ARV1: variants seen among roughly 807,000 people sequenced by gnomAD.
The protein encoded by ARV1 is ARV1 fatty acid homeostasis modulator, also known as protein ARV1.
Under a neutral mutation model 31.1 loss-of-function variants are expected in ARV1, and 26 were observed. The observed-to-expected ratio is 0.84, with a 90% CI of 0.61 to 1.16. The LOEUF is 1.16. ARV1 is among the 50% of genes most tolerant of loss of function. The pLI is 0.00. For missense variants in ARV1, 281 were observed against 324.9 expected, an observed-to-expected ratio of 0.86 and a Z score of 1.04; for synonymous variants, 117 against 123.2, an observed-to-expected ratio of 0.95 and a Z score of 0.34.
intron 4 of ARV1, 139 bp downstream of exon 4, chr1:230,996,123 A>G (rs1171974014): frequency 7.7e-6 from 5 of 651,534 alleles, no homozygotes; most frequent in Non-Finnish European, 1.1e-5. Flanking sequence ...TAACACTTCT[A>G]TAGCACCTTA....
intron 3 of ARV1, among the ~76,000 whole-genome samples, chr1:230,995,148 G>A (rs986013905): frequency 2.6e-5 from 4 of 152,236 alleles, no homozygotes; most frequent in African/African-American, 9.6e-5. Context: ...AGATTGTGCT[G>A]TGTTCTGACC....
intron 1 of ARV1, chr1:230,979,578 A>AT (rs1678770690): frequency 2.8e-6 from 1 of 363,370 alleles, no homozygotes; most frequent in Non-Finnish European, 5.0e-6. Flanking sequence ...ATTTTGGTTC[A>AT]TGCCAAAGCT....
chr1:230,995,398 C>CT (rs1306433701), intron 3 of ARV1, among the ~76,000 whole-genome samples: 6 of 152,124 alleles, frequency 3.9e-5, no homozygotes, highest in African/African-American at 1.4e-4. Context: ...ACTGAAAAGC[C>CT]TGCATTCTCC....
intron 1 of ARV1, among the ~76,000 whole-genome samples, chr1:230,987,531 A>G (rs895439001): frequency 6.6e-6 from 1 of 152,190 alleles, no homozygotes; most frequent in African/African-American, 2.4e-5. Flanking sequence ...ATGTGTCTAG[A>G]GAATCTGAAC....
intron 1 of ARV1, 138 bp downstream of exon 1, chr1:230,979,417 G>A: frequency 6.1e-6 from 6 of 986,142 alleles, no homozygotes; most frequent in Non-Finnish European, 7.4e-6. Context: ...ATGAATATCT[G>A]TACTGATAGA....
At chr1:230,984,369 T>TGTGTGC (rs1553303979) in intron 1 of ARV1, among the ~76,000 whole-genome samples, 2 of 88,460 alleles carry the variant, frequency 2.3e-5, no homozygotes, top group African/African-American at 8.2e-5. Flanking sequence ...TGTGCGTGTG[T>TGTGTGC]GTGTGTGTGT....
At chr1:230,985,692 AG>A (rs1485791897) in intron 1 of ARV1, among the ~76,000 whole-genome samples, 1 of 152,146 alleles carries the variant, frequency 6.6e-6, no homozygotes, top group East Asian at 1.9e-4. Context: ...CTGACTTTTT[AG>A]GGTTTCCATT....
chr1:230,986,789 G>A (rs571579038), intron 1 of ARV1, among the ~76,000 whole-genome samples: 39 of 140,662 alleles, frequency 2.8e-4, no homozygotes, highest in Middle Eastern at 4.1e-3. Flanking sequence ...CTCTCACCTC[G>A]GACTCCCAAA....
chr1:230,980,435 C>G (rs967763161), intron 1 of ARV1, among the ~76,000 whole-genome samples: 6 of 152,018 alleles, frequency 3.9e-5, no homozygotes, highest in Non-Finnish European at 5.9e-5. Context: ...CTCCCAAGTT[C>G]AAGCAATTCT....
chr1:231,000,061 C>T (rs2103060096), intron 5 of ARV1, 77 bp from the exon 6 acceptor site: 1 of 152,326 alleles, frequency 6.6e-6, no homozygotes, highest in East Asian at 1.9e-4. Flanking sequence ...CACCTTAACT[C>T]AGGGCCTGCC....
At chr1:230,981,136 T>C (rs1221198946) in intron 1 of ARV1, among the ~76,000 whole-genome samples, 1 of 152,172 alleles carries the variant, frequency 6.6e-6, no homozygotes, top group East Asian at 1.9e-4. Flanking sequence ...CTTTCTGCTT[T>C]TGCTTCACCT....
rs11122178 is a variant in ARV1 at position 230,983,268 on chromosome 1, C to G, written c.174+3989C>G. Among the ~76,000 whole-genome samples, 1,123 of 152,032 alleles carry G rather than the reference C, an allele frequency of 7.4e-3. 20 individuals are homozygous for G. The highest frequency in any genetic ancestry group is 0.025 in the African/African-American group (1,018 of 41,452). On this transcript the variant is annotated intron_variant, in intron 1 of 5. Transcript: ENST00000310256. ...TCTCTCTAAAAATACAAAAATTAGC[C>G]AGGCGTGGTGGCGCACTCTTGTAAT...
intron 1 of ARV1, among the ~76,000 whole-genome samples, chr1:230,984,217 T>G (rs1262698909): frequency 6.6e-6 from 1 of 151,994 alleles, no homozygotes; most frequent in Non-Finnish European, 1.5e-5. Context: ...GCCACTGCAC[T>G]CCAGGCCTAG....
chr1:230,982,661 A>G (rs1387056655), intron 1 of ARV1, among the ~76,000 whole-genome samples: 1 of 152,208 alleles, frequency 6.6e-6, no homozygotes, highest in Non-Finnish European at 1.5e-5. Flanking sequence ...CAGAGTGTCT[A>G]ATGGCCTTGT....
At chr1:230,984,363 C>CGTGTGT (rs34285543) in intron 1 of ARV1, among the ~76,000 whole-genome samples, 6,517 of 129,672 alleles carry the variant, frequency 0.05, 256 homozygotes, top group Non-Finnish European at 0.077. Context: ...TGTGTGTGTG[C>CGTGTGT]GTGTGTGTGT....
intron 1 of ARV1, among the ~76,000 whole-genome samples, chr1:230,980,272 T>A (rs1408505155): frequency 6.6e-6 from 1 of 152,112 alleles, no homozygotes; most frequent in Non-Finnish European, 1.5e-5. Context: ...AAAAACAAAT[T>A]TGTGACGATT....
At chr1:230,997,385 T>A (rs915644139) in intron 5 of ARV1, 118 bp downstream of exon 5, 9 of 1,229,570 alleles carry the variant, frequency 7.3e-6, no homozygotes, top group Non-Finnish European at 1.0e-5. Flanking sequence ...TCTAACTGCC[T>A]CTAGGTCACC....
rs560198716 is a variant in ARV1, at chr1:230,980,867, G to A, written c.174+1588G>A. Among the ~76,000 whole-genome samples the A allele has an allele frequency of 2.0e-5, 3 of 151,734 alleles. No individual in the cohort carries two copies. In the South Asian group the frequency reaches 6.2e-4, roughly 32 times the overall value. Reference sequence around the variant, plus strand: ...CTTAATTAGAAAGCAGACCTTCTAAGATATGTTTGTACTGTCTATTTCCTT... The same window carrying A: ...CTTAATTAGAAAGCAGACCTTCTAAAATATGTTTGTACTGTCTATTTCCTT... On this transcript the variant is annotated intron_variant, in intron 1 of 5. Transcript: ENST00000310256.
intron 5 of ARV1, among the ~76,000 whole-genome samples, chr1:230,997,955 G>T (rs1371215759): frequency 6.6e-6 from 1 of 152,210 alleles, no homozygotes. Context: ...TACCTCGATT[G>T]TTCTGTTCTG....
Sources: gnomAD v4.1 joint callset for allele counts (sites outside exome capture counted in the v4.1 genomes callset) on GRCh38, gnomAD v4.1.1 for gene constraint, MANE v1.5 for transcripts, NCBI Gene and HGNC (gene_info 2026-07-23, HGNC 2026-07-21) for gene names.